The following KCNH1 variants were observed in gnomAD, a reference collection of about 807,000 sequenced individuals.
The protein encoded by KCNH1 is potassium voltage-gated channel subfamily H member 1.
A neutral mutation model predicts 69.2 loss-of-function variants in KCNH1; 27 were observed. The ratio of observed to expected loss-of-function variants is 0.39; its 90% CI spans 0.29 to 0.54. The LOEUF is 0.54. KCNH1 is among the 20% of genes least tolerant of loss of function. The pLI, the probability that KCNH1 is intolerant of heterozygous loss-of-function variation, is 0.68. For synonymous variants in KCNH1, 456 were observed against 487.7 expected (o/e 0.93, Z 0.86); for missense variants, 798 against 1,261.6 (o/e 0.63, Z 5.57).
intron 4 of KCNH1, among the ~76,000 whole-genome samples, chr1:211,087,876 C>G (rs1046346159): frequency 1.3e-5 from 2 of 152,088 alleles, no homozygotes; most frequent in African/African-American, 2.4e-5. Flanking sequence ...AGCATTTGCA[C>G]GACCCATCCC....
intron 7 of KCNH1, among the ~76,000 whole-genome samples, chr1:210,854,491 T>A (rs2102471267): frequency 6.6e-6 from 1 of 152,352 alleles, no homozygotes; most frequent in African/African-American, 2.4e-5. Flanking sequence ...AGCCAACTTT[T>A]ACCCATGGCA....
At chr1:210,845,979 A>T (rs1685533990) in intron 7 of KCNH1, among the ~76,000 whole-genome samples, 2 of 152,214 alleles carry the variant, frequency 1.3e-5, no homozygotes, top group Admixed American at 1.3e-4. Context: ...CCCATTCACA[A>T]TTGCTTCAAA....
chr1:211,020,324 C>T (rs893231367), intron 5 of KCNH1, among the ~76,000 whole-genome samples: 2 of 151,674 alleles, frequency 1.3e-5, no homozygotes, highest in Admixed American at 1.3e-4. Flanking sequence ...CACACAAATA[C>T]AAAGGATCAT....
intron 6 of KCNH1, among the ~76,000 whole-genome samples, chr1:211,004,073 G>A (rs768899002): frequency 6.6e-6 from 1 of 152,016 alleles, no homozygotes. Context: ...CTGCCTGGGC[G>A]ACAGCGAGAC....
At chr1:210,729,837 G>A (rs1320467658) in intron 10 of KCNH1, among the ~76,000 whole-genome samples, 1 of 152,150 alleles carries the variant, frequency 6.6e-6, no homozygotes, top group Non-Finnish European at 1.5e-5. Flanking sequence ...TTAAGTGCAG[G>A]GTTTAAGTCA....
chr1:210,704,541 G>A lies in KCNH1; in HGVS notation c.2113-20403C>T, dbSNP rs184437747. On this transcript the variant is annotated intron_variant, in intron 10 of 10. Transcript: ENST00000271751. ...ATTAGCAATACGAAAATTGACATTT[G>A]TTCCTACTTTGTGGTTGACAGAAAG... is the stretch of plus-strand genomic sequence containing the variant. Among the ~76,000 whole-genome samples the A allele has an allele frequency of 2.6e-4, 39 of 152,246 alleles. 2 individuals are homozygous for A. The highest frequency in any genetic ancestry group is 3.4e-3 in the Middle Eastern group (1 of 294).
intron 10 of KCNH1, among the ~76,000 whole-genome samples, chr1:210,689,122 C>T (rs1435038302): frequency 6.6e-6 from 1 of 152,234 alleles, no homozygotes; most frequent in Admixed American, 6.5e-5. Context: ...TCGCACCAAG[C>T]CAACAGCCCT....
At chr1:210,870,037 G>A (rs556117114) in intron 7 of KCNH1, among the ~76,000 whole-genome samples, 1 of 152,254 alleles carries the variant, frequency 6.6e-6, no homozygotes, top group African/African-American at 2.4e-5. Context: ...CTCTTCTTGA[G>A]TGTGTATTGT....
chr1:210,736,593 T>C (rs1682885830), intron 10 of KCNH1, among the ~76,000 whole-genome samples: 1 of 151,786 alleles, frequency 6.6e-6, no homozygotes, highest in African/African-American at 2.4e-5. Context: ...TTCCATATCA[T>C]CTGCCCTTGA....
In KCNH1 at chr1:210,852,221, C is replaced by T. The variant is rs112491603; in HGVS notation, c.1463-48055G>A. 3.0e-3 allele frequency among the ~76,000 whole-genome samples: 457 copies of T among 152,190 alleles called. 4 individuals are homozygous for T. The highest frequency in any genetic ancestry group is 0.01 in the African/African-American group (424 of 41,534). Reference sequence around the variant, plus strand: ...GTGGAGAAGGGGGATTCCAGGCTGACGGAACATCATAGGCAAAGGCCCAGA... The same window carrying T: ...GTGGAGAAGGGGGATTCCAGGCTGATGGAACATCATAGGCAAAGGCCCAGA... On this transcript the variant is annotated intron_variant, in intron 7 of 10. Transcript: ENST00000271751.
intron 6 of KCNH1, among the ~76,000 whole-genome samples, chr1:210,994,138 A>G (rs1022369064): frequency 1.3e-5 from 2 of 152,228 alleles, no homozygotes; most frequent in African/African-American, 4.8e-5. Context: ...AACATACTAG[A>G]CTTCCATTCA....
At chr1:210,939,483 A>G (rs1687840637) in intron 6 of KCNH1, among the ~76,000 whole-genome samples, 1 of 152,204 alleles carries the variant, frequency 6.6e-6, no homozygotes, top group Non-Finnish European at 1.5e-5. Context: ...CAGAAGGATC[A>G]GCAAGTGCAA....
At chr1:210,997,646 CA>C (rs945480935) in intron 6 of KCNH1, among the ~76,000 whole-genome samples, 16 of 152,088 alleles carry the variant, frequency 1.1e-4, no homozygotes, top group African/African-American at 3.9e-4. Context: ...CATGCAGATT[CA>C]GGAAATACAG....
At position 210,797,737 on chromosome 1, in the gene KCNH1, G is replaced by T. The variant is rs1269147942; in HGVS notation, c.1686C>A (p.Asp562Glu). The stretch of plus-strand genomic sequence containing the variant: ...GGTGCACGCAGATGTCGGCTCTCAT[G>T]TCCTTGGGGCAGATCTGCAGGACCT... ...TEKVLQICPK[D>E]MRADICVHLN... The change falls in exon 9 of 11, where the codon GAC (aspartate) becomes GAA (glutamate). Residue 562 changes from aspartate to glutamate, a missense_variant. By Grantham distance (45) the Asp-to-Glu change is conservative. Around this residue, in one of 4 missense-constraint regions of KCNH1, gnomAD observed 197 missense variants for 407.7 expected, o/e 0.48. Transcript: ENST00000271751. 2 of 1,613,876 alleles carry T rather than the reference G, an allele frequency of 1.2e-6. No individual in the cohort carries two copies. The highest frequency in any genetic ancestry group is 1.7e-6 in the Non-Finnish European group (2 of 1,179,804).
chr1:210,776,401 G>T (rs962748188), intron 9 of KCNH1, among the ~76,000 whole-genome samples: 6 of 152,164 alleles, frequency 3.9e-5, no homozygotes, highest in Non-Finnish European at 7.4e-5. Context: ...GCTATGGACT[G>T]AATGTTTGTG....
At chr1:210,814,420 C>G (rs1168387458) in intron 7 of KCNH1, among the ~76,000 whole-genome samples, 2 of 152,100 alleles carry the variant, frequency 1.3e-5, no homozygotes, top group East Asian at 3.8e-4. Flanking sequence ...AGAATTTTCT[C>G]TAAAGTTAAT....
chr1:210,869,059 C>T (rs942381561), intron 7 of KCNH1, among the ~76,000 whole-genome samples: 1 of 151,972 alleles, frequency 6.6e-6, no homozygotes, highest in Non-Finnish European at 1.5e-5. Context: ...TGACAGTTTG[C>T]TGTTTTTGTT....
intron 5 of KCNH1, among the ~76,000 whole-genome samples, chr1:211,033,915 C>CA (rs200651581): frequency 0.048 from 6,957 of 144,556 alleles, 196 homozygotes; most frequent in Non-Finnish European, 0.056. Flanking sequence ...AAAGTATAAT[C>CA]AAAAAAAAAA....
chr1:211,011,976 T>A (rs1051831498), intron 6 of KCNH1, among the ~76,000 whole-genome samples: 3 of 152,206 alleles, frequency 2.0e-5, no homozygotes, highest in Admixed American at 2.0e-4. Context: ...ACTCAGCCCC[T>A]GGCCACTACT....
Sources: allele counts gnomAD v4.1 joint callset (sites outside exome capture counted in the v4.1 genomes callset), GRCh38; gene constraint gnomAD v4.1.1; regional missense constraint gnomAD v4.1.1; transcripts MANE v1.5; gene names NCBI Gene and HGNC (gene_info 2026-07-23, HGNC 2026-07-21).